The following TSPAN18 variants were observed in gnomAD, a reference collection of about 807,000 sequenced individuals.
TSPAN18 encodes the protein tetraspanin-18.
In TSPAN18, 14 loss-of-function variants were observed where a neutral mutation model predicts 27.3. The observed-to-expected ratio is 0.51, with a 90% CI of 0.34 to 0.80. The LOEUF is 0.80. Among genes scored for constraint, TSPAN18 ranks in the 30% least tolerant of loss-of-function variants. TSPAN18 has a pLI of 0.01. For missense variants in TSPAN18, 268 were observed against 323.9 expected (o/e 0.83, Z 1.32); for synonymous variants, 143 against 136.5 (o/e 1.05, Z -0.33).
At chr11:44,793,354 A>C (rs993235432) in intron 2 of TSPAN18, among the ~76,000 whole-genome samples, 1 of 152,136 alleles carries the variant, frequency 6.6e-6, no homozygotes, top group Admixed American at 6.5e-5. Flanking sequence ...GCTGAAGAAG[A>C]ATCCTAGGTG....
intron 5 of TSPAN18, among the ~76,000 whole-genome samples, chr11:44,910,188 G>T (rs1859656656): frequency 6.6e-6 from 1 of 152,238 alleles, no homozygotes; most frequent in African/African-American, 2.4e-5. Flanking sequence ...GCCTCAGGCT[G>T]CCTCTTCCCA....
intron 2 of TSPAN18, among the ~76,000 whole-genome samples, chr11:44,806,796 C>T (rs1856602313): frequency 6.6e-6 from 1 of 152,144 alleles, no homozygotes; most frequent in South Asian, 2.1e-4. Flanking sequence ...CTAAATCAAA[C>T]ATAACTTTTC....
rs1348013022 is a variant in TSPAN18, at chr11:44,913,361, G to T, written c.258+3462G>T. On this transcript the variant is annotated intron_variant, in intron 5 of 9. Coordinates refer to ENST00000520358, the MANE Select transcript of TSPAN18 (RefSeq NM_130783.5). ...CTAATGATCAATTTATCTATCTAAA[G>T]GTCCATTTCCCAAATACTCGTGTTG... Among the ~76,000 whole-genome samples, 3 of 152,118 alleles carry T rather than the reference G, an allele frequency of 2.0e-5. No individual in the cohort carries two copies. The East Asian group carries it at 5.8e-4, about 29-fold the overall frequency.
At chr11:44,872,072 C>T (rs1047301489) in intron 3 of TSPAN18, among the ~76,000 whole-genome samples, 2 of 151,976 alleles carry the variant, frequency 1.3e-5, no homozygotes, top group Non-Finnish European at 2.9e-5. Flanking sequence ...TACAGGCACC[C>T]ACCACCACCA....
intron 2 of TSPAN18, among the ~76,000 whole-genome samples, chr11:44,835,955 A>G (rs1483180638): frequency 6.6e-6 from 1 of 152,160 alleles, no homozygotes; most frequent in African/African-American, 2.4e-5. Flanking sequence ...AATAAATGCT[A>G]TATGTGTTCT....
intron 2 of TSPAN18, among the ~76,000 whole-genome samples, chr11:44,813,821 T>C (rs1031117551): frequency 6.6e-6 from 1 of 152,182 alleles, no homozygotes; most frequent in African/African-American, 2.4e-5. Flanking sequence ...AGGGCTGAGC[T>C]GAGCAGCACA....
intron 3 of TSPAN18, among the ~76,000 whole-genome samples, chr11:44,904,733 C>G (rs1245513333): frequency 2.0e-5 from 3 of 152,188 alleles, no homozygotes; most frequent in African/African-American, 7.2e-5. Context: ...GAGGCAGGCA[C>G]CGCTCTGCTC....
At chr11:44,910,472 G>A (rs994252986) in intron 5 of TSPAN18, among the ~76,000 whole-genome samples, 5 of 152,216 alleles carry the variant, frequency 3.3e-5, no homozygotes, top group Admixed American at 2.0e-4. Context: ...CCCAGATGGC[G>A]GGGGCCTTGG....
At chr11:44,867,884 G>A (rs1313402347) in intron 3 of TSPAN18, among the ~76,000 whole-genome samples, 1 of 152,328 alleles carries the variant, frequency 6.6e-6, no homozygotes, top group South Asian at 2.1e-4. Context: ...AGGGATATGA[G>A]ATAGGCTGCT....
chr11:44,858,781 C>T (rs1159200877), intron 2 of TSPAN18, among the ~76,000 whole-genome samples: 2 of 152,116 alleles, frequency 1.3e-5, no homozygotes, highest in Non-Finnish European at 2.9e-5. Context: ...AGAGTGGGGA[C>T]TGGGACAGGG....
chr11:44,762,403 G>A (rs1385436186), intron 1 of TSPAN18, among the ~76,000 whole-genome samples: 2 of 152,200 alleles, frequency 1.3e-5, no homozygotes, highest in Non-Finnish European at 2.9e-5. Context: ...CACTGCATGT[G>A]TGCTCACATA....
rs4755919 is a variant in TSPAN18 at position 44,930,489 on chromosome 11, C to T, written c.*1311C>T. The T allele has an allele frequency of 0.054, 13,036 of 243,376 alleles. 418 individuals carry two copies. Among genetic ancestry groups the T allele is most frequent in the Middle Eastern group, 0.11 (72 of 638 alleles). The allele number at this position is 243,376 out of a possible 1,614,324, so 15.1% of individuals were successfully genotyped here. ...CTCTTCTCTCCAGGCTAAAGAATCC[C>T]GAAGGCATCGAGGCCATTTCTGCTG... On this transcript the variant is annotated 3_prime_UTR_variant, in exon 10 of 10. Coordinates refer to ENST00000520358, the MANE Select transcript of TSPAN18 (RefSeq NM_130783.5).
intron 2 of TSPAN18, among the ~76,000 whole-genome samples, chr11:44,828,281 A>C (rs191203427): frequency 1.2e-3 from 177 of 152,284 alleles, no homozygotes; most frequent in African/African-American, 4.1e-3. Context: ...AATCCGGTTC[A>C]GTTCTCTTAT....
At chr11:44,857,894 ATG>A (rs894254707) in intron 2 of TSPAN18, among the ~76,000 whole-genome samples, 1 of 90,108 alleles carries the variant, frequency 1.1e-5, no homozygotes, top group Non-Finnish European at 2.7e-5. Context: ...GCCAACAGTC[ATG>A]TGCACACATG....
intron 5 of TSPAN18, chr11:44,917,735 G>A (rs1859965146): frequency 1.8e-6 from 1 of 558,570 alleles, no homozygotes. Context: ...GGTACCATTT[G>A]CATGGAAGGT....
chr11:44,817,903 G>T (rs1334110866), intron 2 of TSPAN18, among the ~76,000 whole-genome samples: 1 of 152,202 alleles, frequency 6.6e-6, no homozygotes, highest in African/African-American at 2.4e-5. Context: ...TGCCAGTGTG[G>T]TTTCATTTCA....
At chr11:44,899,448 G>C (rs1859178541) in intron 3 of TSPAN18, among the ~76,000 whole-genome samples, 1 of 152,230 alleles carries the variant, frequency 6.6e-6, no homozygotes, top group Non-Finnish European at 1.5e-5. Flanking sequence ...CAGGAACCCA[G>C]TTTGAGCACC....
chr11:44,744,096 AAATGTTAAT>A (rs1855014614), intron 1 of TSPAN18, among the ~76,000 whole-genome samples: 1 of 152,202 alleles, frequency 6.6e-6, no homozygotes, highest in African/African-American at 2.4e-5. Flanking sequence ...GTTTTTCTGC[AAATGTTAAT>A]AAAGACAGAA....
At chr11:44,834,962 A>AGTTT (rs1187705068) in intron 2 of TSPAN18, among the ~76,000 whole-genome samples, 6 of 152,178 alleles carry the variant, frequency 3.9e-5, no homozygotes, top group Non-Finnish European at 7.4e-5. Context: ...CCACAGGGAA[A>AGTTT]CCTGTAAGTT....
Sources: gnomAD v4.1 joint callset for allele counts (sites outside exome capture counted in the v4.1 genomes callset) on GRCh38, gnomAD v4.1.1 for gene constraint, MANE v1.5 for transcripts, NCBI Gene and HGNC (gene_info 2026-07-23, HGNC 2026-07-21) for gene names.